Variants in LIMK2 observed in about 807,000 individuals in gnomAD.
LIMK2 encodes LIM domain kinase 2.
Under a neutral mutation model 75.7 loss-of-function variants are expected in LIMK2, and 35 were observed. The observed-to-expected ratio is 0.46, with a 90% CI of 0.35 to 0.61. The LOEUF (loss-of-function observed/expected upper bound fraction) is 0.61. Ranked by LOEUF, LIMK2 falls within the 20% of genes least tolerant of loss-of-function variation. The probability of loss-of-function intolerance (pLI) is 0.00; values close to 1 mark genes in which losing one functional copy is unlikely to be tolerated. For missense variants in LIMK2, 623 were observed against 831.0 expected (o/e 0.75, Z 3.08); for synonymous variants, 301 against 319.2 (o/e 0.94, Z 0.61).
At chr22:31,250,774 C>T (rs1420303125) in intron 2 of LIMK2, among the ~76,000 whole-genome samples, 1 of 152,200 alleles carries the variant, frequency 6.6e-6, no homozygotes, top group African/African-American at 2.4e-5. Context: ...TCCTCAAGGG[C>T]TCCTCTTTGG....
At chr22:31,244,595 G>A (rs2048650297) in intron 2 of LIMK2, among the ~76,000 whole-genome samples, 1 of 152,092 alleles carries the variant, frequency 6.6e-6, no homozygotes. Flanking sequence ...TGAGACCCAA[G>A]GAAAATAGAG....
At chr22:31,274,531 G>A (rs2048992484) in intron 14 of LIMK2, among the ~76,000 whole-genome samples, 1 of 152,104 alleles carries the variant, frequency 6.6e-6, no homozygotes, top group Admixed American at 6.6e-5. Context: ...CTCCCAAGTA[G>A]CTGGGACTAC....
At chr22:31,232,663 G>A (rs1385268168) in intron 2 of LIMK2, among the ~76,000 whole-genome samples, 1 of 152,108 alleles carries the variant, frequency 6.6e-6, no homozygotes, top group Non-Finnish European at 1.5e-5. Flanking sequence ...AGGCTGGAGT[G>A]CAGTGGCATG....
At position 31,271,159 on chromosome 22, in the gene LIMK2, C is replaced by T; in HGVS notation, c.1341C>T (p.Ile447=). ...SGMAYLHSMC[I]IHRDLNSHNC... is the part of the protein sequence containing the mutation. Reference sequence around the variant, plus strand: ...AGGCCTATTTGCACTCTATGTGCATCATCCACCGGGATCTGAACTCGCACA... The same window carrying T: ...AGGCCTATTTGCACTCTATGTGCATTATCCACCGGGATCTGAACTCGCACA... The change falls in exon 12 of 16, where the codon ATC becomes ATT. Residue 447 remains isoleucine, a synonymous_variant. Coordinates refer to ENST00000331728, the MANE Select transcript of LIMK2 (RefSeq NM_005569.4). 6.2e-7 allele frequency: 1 copy of T among 1,614,102 alleles called. No homozygotes were observed. Among genetic ancestry groups the T allele is most frequent in the Non-Finnish European group, 8.5e-7 (1 of 1,179,964 alleles).
At chr22:31,257,306 C>A (rs1302892991) in intron 2 of LIMK2, among the ~76,000 whole-genome samples, 1 of 151,914 alleles carries the variant, frequency 6.6e-6, no homozygotes, top group Non-Finnish European at 1.5e-5. Flanking sequence ...AAATGTAGTT[C>A]AAAGAACACC....
chr22:31,259,838 G>A, intron 4 of LIMK2, 51 bp from the exon 5 acceptor site: 1 of 1,518,640 alleles, frequency 6.6e-7, no homozygotes, highest in Non-Finnish European at 8.9e-7. Flanking sequence ...TTGCTGGGGG[G>A]CTTCTGTGTG....
chr22:31,226,917 A>G (rs1437937868), intron 2 of LIMK2, among the ~76,000 whole-genome samples: 1 of 152,160 alleles, frequency 6.6e-6, no homozygotes, highest in East Asian at 1.9e-4. Context: ...GCCTATAGCT[A>G]CATTATTTTT....
intron 2 of LIMK2, chr22:31,248,723 A>C: frequency 6.2e-7 from 1 of 1,614,006 alleles, no homozygotes; most frequent in East Asian, 2.2e-5. Context: ...GAAGATGGGG[A>C]GTTACTTGTC....
rs150046227 is a variant in LIMK2 at position 31,279,428 on chromosome 22, C to G, written c.*987C>G. 6.6e-5 allele frequency: 10 copies of G among 152,402 alleles called. No individual in the cohort carries two copies. Among genetic ancestry groups the G allele is most frequent in the Admixed American group, 1.3e-4 (2 of 15,306 alleles). 9.4% of individuals were successfully genotyped at this position (152,402 alleles called of 1,614,324 possible). On this transcript the variant is annotated 3_prime_UTR_variant, in exon 16 of 16. Transcript: ENST00000331728. ...TTGGCTTCATGGCAACCACTGCTCA[C>G]CCTTCAACATGCCTGGTTTAGGCAG...
chr22:31,246,084 A>T (rs1229358933), intron 2 of LIMK2, among the ~76,000 whole-genome samples: 1 of 151,602 alleles, frequency 6.6e-6, no homozygotes, highest in Non-Finnish European at 1.5e-5. Context: ...GAGACAAGAG[A>T]ATTGCTTGAA....
intron 7 of LIMK2, 53 bp from the exon 8 acceptor site, chr22:31,265,893 T>C: frequency 1.3e-6 from 2 of 1,527,780 alleles, no homozygotes; most frequent in African/African-American, 2.7e-5. Context: ...CAGGGTTTCT[T>C]GGCCGGTCTC....
intron 2 of LIMK2, chr22:31,248,706 G>A: frequency 1.2e-6 from 2 of 1,614,200 alleles, no homozygotes; most frequent in East Asian, 2.2e-5. Context: ...TCTATCTGGT[G>A]TGGGAAGAAG....
At position 31,262,571 on chromosome 22, in the gene LIMK2, G is replaced by A; in HGVS notation, c.658-24G>A. 6.3e-7 allele frequency: 1 copy of A among 1,596,682 alleles called. No individual in the cohort carries two copies. Among genetic ancestry groups the A allele is most frequent in the African/African-American group, 1.3e-5 (1 of 74,834 alleles). The stretch of plus-strand genomic sequence containing the variant: ...GCCTGGGATGGGGCAGCCTGTGGGA[G>A]CTTTATACTGCTCTTGGCCACAGGT... On this transcript the variant is annotated intron_variant, in intron 6 of 15. Coordinates refer to ENST00000331728, the MANE Select transcript of LIMK2 (RefSeq NM_005569.4). This position sits in a 1 kb window ranked among gnomAD's most constrained non-coding sequence, Gnocchi z 5.0.
chr22:31,276,052 A>T (rs1299130288), intron 15 of LIMK2, among the ~76,000 whole-genome samples: 1 of 152,154 alleles, frequency 6.6e-6, no homozygotes, highest in Non-Finnish European at 1.5e-5. Context: ...CCTGGCCAAC[A>T]TGGTGAAACC....
At chr22:31,265,324 C>T (rs1052374647) in intron 7 of LIMK2, among the ~76,000 whole-genome samples, 3 of 152,058 alleles carry the variant, frequency 2.0e-5, no homozygotes, top group Admixed American at 1.3e-4. Context: ...CGAGATCGTG[C>T]CATTGCACTT....
At position 31,221,580 on chromosome 22, in the gene LIMK2, G is replaced by A. The variant is rs374520216; in HGVS notation, c.17-4140G>A. 2.6e-5 allele frequency among the ~76,000 whole-genome samples: 4 copies of A among 152,076 alleles called. No homozygotes were observed. In the East Asian group the frequency reaches 7.7e-4, roughly 29 times the overall value. The stretch of plus-strand genomic sequence containing the variant: ...GCTCACTGCAACCTCCGCCTACCAG[G>A]TTCAAGCAATTCTCTTGCCTCAGCC... On this transcript the variant is annotated intron_variant, in intron 1 of 15. Transcript: ENST00000331728.
At chr22:31,273,356 C>A (rs770078897) in intron 13 of LIMK2, 96 bp from the exon 14 acceptor site, 22 of 1,107,268 alleles carry the variant, frequency 2.0e-5, no homozygotes, top group Non-Finnish European at 2.9e-5. Flanking sequence ...CCTGTTCTAG[C>A]CCTAGTTCTT....
In LIMK2 at chr22:31,278,567, G is replaced by A. The variant is rs2073859; in HGVS notation, c.*126G>A. 0.028 allele frequency: 29,564 copies of A among 1,073,708 alleles called. 3,859 individuals are homozygous for A. The East Asian group carries it at 0.41, about 15-fold the overall frequency. The allele number at this position is 1,073,708 out of a possible 1,614,324, so 66.5% of individuals were successfully genotyped here. On this transcript the variant is annotated 3_prime_UTR_variant, in exon 16 of 16. Transcript: ENST00000331728. ...GGCGGAATGTTTAGAAGCAGAACAAGCCATTCCTATTACCTCCCCAGGAGG... is the reference window on the plus strand; with the variant it reads ...GGCGGAATGTTTAGAAGCAGAACAAACCATTCCTATTACCTCCCCAGGAGG...
intron 7 of LIMK2, among the ~76,000 whole-genome samples, chr22:31,264,865 T>G (rs1269269805): frequency 1.3e-5 from 2 of 151,324 alleles, no homozygotes; most frequent in Admixed American, 1.3e-4. Context: ...GAGACTAGCC[T>G]GGCCAATATG....
Sources: gnomAD v4.1 joint callset for allele counts (sites outside exome capture counted in the v4.1 genomes callset) on GRCh38, gnomAD v4.1.1 for gene constraint, Gnocchi (gnomAD v3.1) non-coding constraint, MANE v1.5 for transcripts, NCBI Gene and HGNC (gene_info 2026-07-23, HGNC 2026-07-21) for gene names.